CELF2: variants seen among roughly 807,000 people sequenced by gnomAD.
The protein encoded by CELF2 is CUGBP Elav-like family member 2.
In CELF2, 8 loss-of-function variants were observed where a neutral mutation model predicts 62.6. That is an observed-to-expected ratio of 0.13 (90% CI 0.07 to 0.23). The LOEUF is 0.23. Ranked by LOEUF, CELF2 falls within the 10% of genes least tolerant of loss-of-function variation. The pLI, the probability that CELF2 is intolerant of heterozygous loss-of-function variation, is 1.00. For missense variants in CELF2, 333 were observed against 671.0 expected (o/e 0.50, Z 5.56); for synonymous variants, 258 against 250.0 (o/e 1.03, Z -0.30).
the CELF2 span, among the ~76,000 whole-genome samples, chr10:10,573,811 C>T: frequency 6.9e-6 from 1 of 145,130 alleles, no homozygotes; most frequent in Admixed American, 6.7e-5. Context: ...TCATTGAGAT[C>T]CTCACACATT....
the CELF2 span, among the ~76,000 whole-genome samples, chr10:10,696,566 G>T: frequency 3.4e-4 from 51 of 151,826 alleles, no homozygotes; most frequent in Admixed American, 8.5e-4. Context: ...GTTTACCTAA[G>T]CAAGCCTGGG....
At chr10:10,505,480 C>T in the CELF2 span, among the ~76,000 whole-genome samples, 1 of 152,042 alleles carries the variant, frequency 6.6e-6, no homozygotes, top group Non-Finnish European at 1.5e-5. Flanking sequence ...ACTGCAAGTA[C>T]ACTTGGAAGT....
At chr10:10,840,946 G>T (rs1191487257) in intron 1 of CELF2, among the ~76,000 whole-genome samples, 1 of 152,068 alleles carries the variant, frequency 6.6e-6, no homozygotes, top group Non-Finnish European at 1.5e-5. Context: ...GCAGAGTTTG[G>T]TTTTCTGTTC....
At chr10:10,963,851 A>G (rs1471700608) in intron 2 of CELF2, among the ~76,000 whole-genome samples, 2 of 152,166 alleles carry the variant, frequency 1.3e-5, no homozygotes, top group African/African-American at 2.4e-5. Flanking sequence ...ATGGATTCTC[A>G]GCCCATTCCC....
At chr10:10,599,721 C>CT in the CELF2 span, among the ~76,000 whole-genome samples, 2 of 132,192 alleles carry the variant, frequency 1.5e-5, no homozygotes, top group Non-Finnish European at 3.3e-5. Context: ...CCTTTTCTTT[C>CT]TTTCTTTTTT....
upstream of CELF2, among the ~76,000 whole-genome samples, chr10:11,002,549 C>T (rs1158912461): frequency 6.6e-6 from 1 of 152,140 alleles, no homozygotes; most frequent in Non-Finnish European, 1.5e-5. The surrounding 1 kb of genome is among the most constrained non-coding windows in gnomAD (Gnocchi z 4.4). Context: ...GCCCAGCAGT[C>T]GGTAGAATGA....
chr10:11,273,727 T>G (rs924010057), intron 7 of CELF2, among the ~76,000 whole-genome samples: 3 of 145,078 alleles, frequency 2.1e-5, no homozygotes, highest in Non-Finnish European at 3.0e-5. Flanking sequence ...TTTTTTGTTT[T>G]TTTGTTTTTT....
At chr10:10,741,486 C>A in the CELF2 span, among the ~76,000 whole-genome samples, 30 of 128,244 alleles carry the variant, frequency 2.3e-4, no homozygotes, top group African/African-American at 8.5e-4. Flanking sequence ...GAGAGAGACT[C>A]CGTCTCAAAA....
At chr10:10,670,243 G>A in the CELF2 span, among the ~76,000 whole-genome samples, 1 of 151,998 alleles carries the variant, frequency 6.6e-6, no homozygotes, top group Non-Finnish European at 1.5e-5. Context: ...ACATATATTT[G>A]TTGAATTAAA....
intron 3 of CELF2, among the ~76,000 whole-genome samples, chr10:11,240,855 C>T (rs1054705702): frequency 6.6e-6 from 1 of 152,194 alleles, no homozygotes; most frequent in African/African-American, 2.4e-5. Context: ...AAACCCCAAA[C>T]TTATTTACAC....
At chr10:10,900,423 A>G (rs2062854958) in intron 1 of CELF2, among the ~76,000 whole-genome samples, 1 of 152,216 alleles carries the variant, frequency 6.6e-6, no homozygotes, top group African/African-American at 2.4e-5. Context: ...ATCAATTTAT[A>G]TAATTTATCA....
At chr10:10,875,748 A>G (rs1591445532) in intron 1 of CELF2, among the ~76,000 whole-genome samples, 1 of 152,176 alleles carries the variant, frequency 6.6e-6, no homozygotes, top group Admixed American at 6.5e-5. Context: ...TATGTTATTT[A>G]AAAGGAACTT....
Position 11,251,602 on chromosome 10 carries a change from C to T in CELF2, c.403+2401C>T, listed in dbSNP as rs571902868. On this transcript the variant is annotated intron_variant, in intron 4 of 12. Transcript: ENST00000633077. ...GCAGTTATGAACTATTTGGAGAAGC[C>T]TGGATTTGACCCGACTCCACGCTTG... Among the ~76,000 whole-genome samples, 6 of 151,958 alleles carry T rather than the reference C, an allele frequency of 3.9e-5. No homozygotes were observed. The South Asian group carries it at 1.2e-3, about 32-fold the overall frequency.
chr10:10,595,878 A>G, the CELF2 span, among the ~76,000 whole-genome samples: 2 of 152,138 alleles, frequency 1.3e-5, no homozygotes, highest in African/African-American at 2.4e-5. Flanking sequence ...CCTGGGTGAC[A>G]GAGTGAGATT....
chr10:10,668,271 G>A, the CELF2 span, among the ~76,000 whole-genome samples: 2 of 152,050 alleles, frequency 1.3e-5, no homozygotes, highest in Admixed American at 6.5e-5. Flanking sequence ...TTCTCCTCAG[G>A]TCCCCTTTTA....
At chr10:10,645,647 T>G in the CELF2 span, among the ~76,000 whole-genome samples, 1 of 152,098 alleles carries the variant, frequency 6.6e-6, no homozygotes, top group African/African-American at 2.4e-5. Flanking sequence ...GAGCAAGACT[T>G]TGTCTCAAAA....
At chr10:10,921,272 T>C (rs1224274132) in intron 2 of CELF2, among the ~76,000 whole-genome samples, 1 of 145,744 alleles carries the variant, frequency 6.9e-6, no homozygotes, top group Non-Finnish European at 1.5e-5. Flanking sequence ...TGTTTTTTGT[T>C]TGTTTTTGTT....
At chr10:10,468,521 A>T in the CELF2 span, among the ~76,000 whole-genome samples, 1 of 152,112 alleles carries the variant, frequency 6.6e-6, no homozygotes, top group East Asian at 1.9e-4. Flanking sequence ...GTTGATCTGG[A>T]TACAATGGTT....
At chr10:11,197,049 GAAAGAAAGA>G (rs1273528472) in intron 2 of CELF2, among the ~76,000 whole-genome samples, 2 of 51,596 alleles carry the variant, frequency 3.9e-5, no homozygotes, top group Admixed American at 3.2e-4. Context: ...AAGAAAGAAA[GAAAGAAAGA>G]AAAGAAAGAA....
Sources: gnomAD v4.1 joint callset for allele counts (sites outside exome capture counted in the v4.1 genomes callset) on GRCh38, gnomAD v4.1.1 for gene constraint, Gnocchi (gnomAD v3.1) non-coding constraint, MANE v1.5 for transcripts, NCBI Gene and HGNC (gene_info 2026-07-23, HGNC 2026-07-21) for gene names.